Variants in SNRNP40 observed in about 807,000 individuals in gnomAD.
The protein encoded by SNRNP40 is small nuclear ribonucleoprotein U5 subunit 40, also known as U5 small nuclear ribonucleoprotein 40 kDa protein.
SNRNP40 carries 21 observed loss-of-function variants against 45.8 expected under a neutral mutation model. The ratio of observed to expected loss-of-function variants is 0.46; its 90% confidence interval spans 0.32 to 0.66. The LOEUF is 0.66. SNRNP40 is among the 30% of genes least tolerant of loss of function. The probability of loss-of-function intolerance (pLI) is 0.03; values close to 1 mark genes in which losing one functional copy is unlikely to be tolerated. For synonymous variants in SNRNP40, 142 were observed against 163.8 expected (o/e 0.87, Z 1.01); for missense variants, 344 against 439.1 (o/e 0.78, Z 1.94).
At chr1:31,292,472 G>T (rs1247908758) in intron 2 of SNRNP40, among the ~76,000 whole-genome samples, 1 of 152,174 alleles carries the variant, frequency 6.6e-6, no homozygotes, top group Non-Finnish European at 1.5e-5. Context: ...CAATCCAGAC[G>T]TTTGGCCACT....
intron 1 of SNRNP40, among the ~76,000 whole-genome samples, chr1:31,294,533 C>T (rs926663520): frequency 6.6e-6 from 1 of 151,830 alleles, no homozygotes; most frequent in Non-Finnish European, 1.5e-5. Context: ...GATCTCGTCT[C>T]ATCGCAAACT....
intron 5 of SNRNP40, among the ~76,000 whole-genome samples, chr1:31,278,030 G>A (rs940562330): frequency 7.2e-5 from 11 of 152,098 alleles, no homozygotes; most frequent in Non-Finnish European, 1.6e-4. Flanking sequence ...ACAGAGTACT[G>A]AACAATTTTC....
chr1:31,284,183 T>C (rs1646039568), intron 4 of SNRNP40, among the ~76,000 whole-genome samples: 1 of 152,158 alleles, frequency 6.6e-6, no homozygotes, highest in Non-Finnish European at 1.5e-5. Flanking sequence ...TGATTGCGGA[T>C]CTGTACTCCA....
At chr1:31,261,362 A>C (rs1394781230) in intron 9 of SNRNP40, among the ~76,000 whole-genome samples, 167 bp downstream of exon 9, 1 of 152,096 alleles carries the variant, frequency 6.6e-6, no homozygotes, top group African/African-American at 2.4e-5. Context: ...AACAAAACAA[A>C]ACAAAACCCA....
intron 4 of SNRNP40, among the ~76,000 whole-genome samples, chr1:31,285,246 T>C (rs1278785447): frequency 6.6e-6 from 1 of 151,354 alleles, no homozygotes; most frequent in Non-Finnish European, 1.5e-5. Flanking sequence ...TATCACCTTT[T>C]TTTTTTTTTT....
At chr1:31,282,466 GCTATCTATCTATCTATGTATCTATCTAT>G (rs1226321717) in intron 4 of SNRNP40, 13 of 119,014 alleles carry the variant, frequency 1.1e-4, no homozygotes, top group Admixed American at 4.7e-4. Context: ...CATATTCCTG[GCTATCTATCTATCTATGTATCTATCTAT>G]CTATCTATCT....
chr1:31,265,299 AAT>A (rs1348931975), intron 8 of SNRNP40, among the ~76,000 whole-genome samples: 1 of 151,424 alleles, frequency 6.6e-6, no homozygotes, highest in African/African-American at 2.4e-5. Context: ...TAATTTTTTA[AAT>A]ATTTTTTTTA....
chr1:31,260,784 C>A (rs1645852900), intron 9 of SNRNP40, among the ~76,000 whole-genome samples: 2 of 148,444 alleles, frequency 1.3e-5, no homozygotes, highest in African/African-American at 5.0e-5. Flanking sequence ...ATCGCTTGAA[C>A]CTGGGAAGGC....
At chr1:31,261,716 G>A (rs774718156) in intron 8 of SNRNP40, 84 bp from the exon 9 acceptor site, 1 of 791,872 alleles carries the variant, frequency 1.3e-6, no homozygotes, top group Non-Finnish European at 2.1e-6. Flanking sequence ...GGAAATGGAA[G>A]CAACAATTAT....
At chr1:31,289,665 A>G (rs1427838532) in intron 3 of SNRNP40, among the ~76,000 whole-genome samples, 1 of 152,178 alleles carries the variant, frequency 6.6e-6, no homozygotes, top group African/African-American at 2.4e-5. Context: ...AGTCCCCATG[A>G]CATACATCTA....
intron 4 of SNRNP40, among the ~76,000 whole-genome samples, chr1:31,287,463 A>G (rs751279516): frequency 6.6e-6 from 1 of 152,218 alleles, no homozygotes; most frequent in Non-Finnish European, 1.5e-5. Context: ...CTACCTAAAT[A>G]GTTCCTAGAT....
At chr1:31,285,067 T>C (rs774906049) in intron 4 of SNRNP40, among the ~76,000 whole-genome samples, 3 of 152,244 alleles carry the variant, frequency 2.0e-5, no homozygotes, top group African/African-American at 7.2e-5. Flanking sequence ...CTAAAAGTCA[T>C]GGTAGTCAAA....
intron 5 of SNRNP40, among the ~76,000 whole-genome samples, chr1:31,279,725 C>T (rs532561814): frequency 3.3e-5 from 5 of 151,276 alleles, no homozygotes; most frequent in African/African-American, 1.2e-4. Context: ...CAAGTCTGGG[C>T]GACAGAGTGA....
chr1:31,283,570 T>C (rs1326726945), intron 4 of SNRNP40, among the ~76,000 whole-genome samples: 2 of 152,154 alleles, frequency 1.3e-5, no homozygotes, highest in South Asian at 2.1e-4. Context: ...ACTACTGCAC[T>C]CCAGCCTGGG....
chr1:31,293,180 G>T (rs750335852), intron 2 of SNRNP40, 39 bp downstream of exon 2: 1 of 1,610,488 alleles, frequency 6.2e-7, no homozygotes, highest in South Asian at 1.1e-5. Flanking sequence ...TCACTATCTG[G>T]CAGGAAAAAT....
intron 6 of SNRNP40, among the ~76,000 whole-genome samples, chr1:31,270,168 AT>A: frequency 6.6e-6 from 1 of 152,202 alleles, no homozygotes; most frequent in East Asian, 1.9e-4. Context: ...CAATAACACT[AT>A]TTTAAAGATC....
chr1:31,262,379 G>A (rs2148378924), intron 8 of SNRNP40, among the ~76,000 whole-genome samples: 1 of 152,050 alleles, frequency 6.6e-6, no homozygotes, highest in South Asian at 2.1e-4. Context: ...AAATTAGCCA[G>A]GAGTGGTAGC....
chr1:31,292,324 G>A (rs541782372), intron 2 of SNRNP40, among the ~76,000 whole-genome samples: 1 of 152,220 alleles, frequency 6.6e-6, no homozygotes, highest in South Asian at 2.1e-4. Flanking sequence ...ATCGCGCCAC[G>A]GCACTCCAAC....
chr1:31,296,704 T>G lies in SNRNP40; in HGVS notation c.48A>C (p.Pro16=). 1 of 1,613,784 alleles carries G rather than the reference T, an allele frequency of 6.2e-7. No homozygotes were observed. Among genetic ancestry groups the G allele is most frequent in the Non-Finnish European group, 8.5e-7 (1 of 1,179,830 alleles). ...GCAACTCATGCCGCTGCCGCTTGACTGGAACCAGCGGCAACTCTGGGCCCT... is the reference window on the plus strand; with the variant it reads ...GCAACTCATGCCGCTGCCGCTTGACGGGAACCAGCGGCAACTCTGGGCCCT... The part of the protein sequence containing the change: ...KRKGPELPLV[P]VKRQRHELLL... Residue 16 remains proline (P), a synonymous_variant, in exon 1 of 10, where the codon CCA becomes CCC. Transcript: ENST00000263694.
Sources: gnomAD v4.1 joint callset for allele counts (sites outside exome capture counted in the v4.1 genomes callset) on GRCh38, gnomAD v4.1.1 for gene constraint, MANE v1.5 for transcripts, NCBI Gene and HGNC (gene_info 2026-07-23, HGNC 2026-07-21) for gene names.